The following GPX6 variants were observed in gnomAD, a reference collection of about 807,000 sequenced individuals.
GPX6 encodes the protein glutathione peroxidase 6.
GPX6 carries 21 observed loss-of-function variants against 20.0 expected under a neutral mutation model. The observed-to-expected ratio is 1.05, with a 90% CI of 0.74 to 1.51. The LOEUF is 1.51. Among genes scored for constraint, GPX6 ranks in the 40% most tolerant of loss-of-function variants. GPX6 has a pLI of 0.00. For synonymous variants in GPX6, 75 were observed against 98.0 expected (o/e 0.77, Z 1.38); for missense variants, 233 against 254.7 (o/e 0.91, Z 0.58).
Position 28,504,440 on chromosome 6 carries a change from G to A in GPX6, c.518C>T (p.Pro173Leu), listed in dbSNP as rs780063840. Residue 173 changes from proline (P) to leucine (L), a missense_variant, in exon 5 of 5, where the codon CCC (proline) becomes CTC (leucine). By Grantham distance (98) the Pro-to-Leu change is moderately conservative. Transcript: ENST00000361902. The stretch of plus-strand genomic sequence containing the variant: ...CCAGCGGATATCATGGACCTTCATG[G>A]GCTCCCAGAAGAGTTGGCTTGATGA... The part of the protein sequence containing the change: ...LGSSSQLFWE[P>L]MKVHDIRWNF... 2 of 1,614,002 alleles carry A rather than the reference G, an allele frequency of 1.2e-6. No homozygotes were observed. Among genetic ancestry groups the A allele is most frequent in the East Asian group, 4.5e-5 (2 of 44,894 alleles).
chr6:28,510,351 A>G (rs1282594196), intron 2 of GPX6, among the ~76,000 whole-genome samples: 2 of 152,238 alleles, frequency 1.3e-5, no homozygotes, highest in African/African-American at 4.8e-5. Flanking sequence ...ATGGCATCCA[A>G]TCCAGAACAG....
chr6:28,504,277 A>C lies in GPX6; in HGVS notation c.*15T>G, dbSNP rs373952046. ...GGGAGACAGGGTAGTTATTTCTGTC[A>C]GTCGCTAGCCCTTCCTAGTGGGTAT... On this transcript the variant is annotated 3_prime_UTR_variant, in exon 5 of 5. Coordinates refer to ENST00000361902, the MANE Select transcript of GPX6 (RefSeq NM_182701.1). 35 of 1,609,280 alleles carry C rather than the reference A, an allele frequency of 2.2e-5. 1 individual carries two copies. In the African/African-American group the frequency reaches 2.9e-4, roughly 13 times the overall value.
At chr6:28,511,420 C>G (rs1054391323) in intron 1 of GPX6, among the ~76,000 whole-genome samples, 2 of 152,168 alleles carry the variant, frequency 1.3e-5, no homozygotes, top group African/African-American at 4.8e-5. Context: ...GGGGGAGGGG[C>G]GGCCGGGAAG....
chr6:28,507,703 T>C (rs1762820189), intron 2 of GPX6, among the ~76,000 whole-genome samples: 1 of 152,216 alleles, frequency 6.6e-6, no homozygotes, highest in Admixed American at 6.5e-5. Context: ...TAGTTGGGAT[T>C]ACAGGCATGT....
rs1280070172 is a variant in GPX6, at chr6:28,504,088, C to T, written c.*204G>A. On this transcript the variant is annotated 3_prime_UTR_variant, in exon 5 of 5. Transcript: ENST00000361902. ...TATGCATATACCAACAAATACAATTCTACATATCCATACACACACACACAC... is the reference window on the plus strand; with the variant it reads ...TATGCATATACCAACAAATACAATTTTACATATCCATACACACACACACAC... The T allele has an allele frequency of 3.5e-6, 2 of 564,202 alleles. No individual in the cohort carries two copies. The highest frequency in any genetic ancestry group is 4.1e-5 in the African/African-American group (2 of 49,136). 34.9% of individuals were successfully genotyped at this position (564,202 alleles called of 1,614,324 possible).
At chr6:28,506,706 A>AC (rs369306148) in intron 2 of GPX6, among the ~76,000 whole-genome samples, 52 of 145,174 alleles carry the variant, frequency 3.6e-4, no homozygotes, top group Non-Finnish European at 6.3e-4. Flanking sequence ...TTTTTTTTTA[A>AC]ACACACACAC....
At chr6:28,510,997 G>A in intron 1 of GPX6, 93 bp from the exon 2 acceptor site, 1 of 1,090,056 alleles carries the variant, frequency 9.2e-7, no homozygotes, top group Admixed American at 2.7e-5. Context: ...GACCCTTCAT[G>A]TAATATCTTG....
chr6:28,510,936 TAA>T, intron 1 of GPX6, 32 bp from the exon 2 acceptor site: 1 of 1,564,936 alleles, frequency 6.4e-7, no homozygotes, highest in Non-Finnish European at 8.7e-7. Context: ...CATAACGATA[TAA>T]GATAAAAAAT....
chr6:28,504,115 C>T lies in GPX6; in HGVS notation c.*177G>A. 1.6e-6 allele frequency: 1 copy of T among 615,540 alleles called. No individual in the cohort carries two copies. The highest frequency in any genetic ancestry group is 2.9e-6 in the Non-Finnish European group (1 of 345,224). 38.1% of individuals were successfully genotyped at this position (615,540 alleles called of 1,614,324 possible). ...ACATATCCATACACACACACACACA[C>T]ACACACACAGCTACACACACATGCT... is the stretch of plus-strand genomic sequence containing the variant. On this transcript the variant is annotated 3_prime_UTR_variant, in exon 5 of 5. Transcript: ENST00000361902.
At chr6:28,515,249 A>AGT (rs1177700718) in intron 1 of GPX6, among the ~76,000 whole-genome samples, 1 of 152,144 alleles carries the variant, frequency 6.6e-6, no homozygotes, top group African/African-American at 2.4e-5. Context: ...CCTCTCCAGG[A>AGT]GTAACCAGGG....
At position 28,506,345 on chromosome 6, in the gene GPX6, G is replaced by C. The variant is rs200893299; in HGVS notation, c.326C>G (p.Pro109Arg). The change falls in exon 3 of 5, where the codon CCA becomes CGA. Residue 109 changes from proline to arginine, a missense_variant. Physicochemically the swap from Pro to Arg is moderately radical, Grantham distance 103. Coordinates refer to ENST00000361902, the MANE Select transcript of GPX6 (RefSeq NM_182701.1). ...FPCNQFGKQE[P>R]GTNSEILLGL... ...AAGAAGTATTTCTGAGTTTGTTCCT[G>C]GTTCTTGTTTTCCAAACTGGTTGCA... The C allele has an allele frequency of 6.8e-6, 11 of 1,613,244 alleles. No individual in the cohort carries two copies. Among genetic ancestry groups the C allele is most frequent in the Non-Finnish European group, 9.3e-6 (11 of 1,179,348 alleles).
chr6:28,512,826 G>A (rs1164846541), intron 1 of GPX6, among the ~76,000 whole-genome samples: 2 of 151,516 alleles, frequency 1.3e-5, no homozygotes, highest in African/African-American at 2.4e-5. Flanking sequence ...CAGACGCGCT[G>A]CCTTAAGAGC....
At position 28,504,455 on chromosome 6, in the gene GPX6, T is replaced by C. The variant is rs111688422; in HGVS notation, c.503A>G (p.Gln168Arg). 2.5e-4 allele frequency: 407 copies of C among 1,614,158 alleles called. 2 individuals carry two copies. The African/African-American group carries it at 4.8e-3, about 19-fold the overall frequency. Residue 168 changes from glutamine (Q) to arginine (R), a missense_variant, in exon 5 of 5, where the codon CAA (glutamine) becomes CGA (arginine). Transcript: ENST00000361902. ...GACCTTCATGGGCTCCCAGAAGAGT[T>C]GGCTTGATGAGCCCAAAAGATCAGA... ...PTSDLLGSSSQLFWEPMKVHD... is the reference protein window; with the variant it reads ...PTSDLLGSSSRLFWEPMKVHD...
chr6:28,506,533 A>T, intron 2 of GPX6, 104 bp from the exon 3 acceptor site: 1 of 722,184 alleles, frequency 1.4e-6, no homozygotes, highest in Non-Finnish European at 2.5e-6. Context: ...TAAACCGAGG[A>T]CTAAGAAGGG....
chr6:28,511,726 G>A (rs1364767865), intron 1 of GPX6, among the ~76,000 whole-genome samples: 1 of 152,380 alleles, frequency 6.6e-6, no homozygotes, highest in East Asian at 1.9e-4. Context: ...CGGCCTTGGC[G>A]CCCACTCTGG....
intron 4 of GPX6, among the ~76,000 whole-genome samples, chr6:28,504,757 T>C (rs371442792): frequency 5.8e-4 from 88 of 152,240 alleles, no homozygotes; most frequent in Middle Eastern, 6.8e-3. Flanking sequence ...TTCCTCTATT[T>C]CCATGGTTTT....
intron 1 of GPX6, among the ~76,000 whole-genome samples, chr6:28,513,331 C>A (rs1039476520): frequency 6.6e-6 from 1 of 152,184 alleles, no homozygotes; most frequent in Non-Finnish European, 1.5e-5. Flanking sequence ...GTAACACACG[C>A]CCACTGGGGC....
At chr6:28,513,476 C>T (rs1581843104) in intron 1 of GPX6, among the ~76,000 whole-genome samples, 1 of 152,160 alleles carries the variant, frequency 6.6e-6, no homozygotes, top group Non-Finnish European at 1.5e-5. Flanking sequence ...CACGCCCCGT[C>T]GCATGCCTTG....
chr6:28,512,209 G>A (rs893553442), intron 1 of GPX6, among the ~76,000 whole-genome samples: 2 of 152,258 alleles, frequency 1.3e-5, no homozygotes, highest in Non-Finnish European at 2.9e-5. Flanking sequence ...CTCGGCCTGC[G>A]GCCGTGGTGC....
Sources: allele counts gnomAD v4.1 joint callset (sites outside exome capture counted in the v4.1 genomes callset), GRCh38; gene constraint gnomAD v4.1.1; transcripts MANE v1.5; gene names NCBI Gene and HGNC (gene_info 2026-07-23, HGNC 2026-07-21).